Variants in PKHD1 observed in about 807,000 individuals in gnomAD.
PKHD1 encodes the protein PKHD1 ciliary IPT domain containing fibrocystin/polyductin, also known as fibrocystin.
PKHD1 carries 291 observed loss-of-function variants against 412.0 expected under a neutral mutation model. The ratio of observed to expected loss-of-function variants is 0.71; its 90% CI spans 0.64 to 0.78. PKHD1 has a LOEUF of 0.78. Ranked by LOEUF, PKHD1 falls within the 30% of genes least tolerant of loss-of-function variation. The pLI, the probability that PKHD1 is intolerant of heterozygous loss-of-function variation, is 0.00. For synonymous variants in PKHD1, 1,777 were observed against 1,821.5 expected (o/e 0.98, Z 0.62); for missense variants, 4,825 against 4,950.7 (o/e 0.97, Z 0.76).
intron 32 of PKHD1, among the ~76,000 whole-genome samples, chr6:52,023,661 T>A (rs1470787205): frequency 1.3e-5 from 2 of 152,320 alleles, no homozygotes; most frequent in African/African-American, 4.8e-5. Flanking sequence ...ACTGCCTTCA[T>A]ACCAGGTCTA....
At position 51,944,034 on chromosome 6, in the gene PKHD1, G is replaced by A. The variant is rs139434321; in HGVS notation, c.5909-9712C>T. 1.4e-3 allele frequency among the ~76,000 whole-genome samples: 207 copies of A among 152,022 alleles called. 1 individual carries two copies. Among genetic ancestry groups the A allele is most frequent in the African/African-American group, 4.4e-3 (182 of 41,372 alleles). ...CCATCATATCCCCTGTGACCTGCACGTATACATCCAGATGGCCTGAAGTAA... is the reference window on the plus strand; with the variant it reads ...CCATCATATCCCCTGTGACCTGCACATATACATCCAGATGGCCTGAAGTAA... On this transcript the variant is annotated intron_variant, in intron 36 of 66. Coordinates refer to ENST00000371117, the MANE Select transcript of PKHD1 (RefSeq NM_138694.4).
chr6:51,898,777 T>C (rs892805160), intron 43 of PKHD1, among the ~76,000 whole-genome samples: 136 of 115,354 alleles, frequency 1.2e-3, no homozygotes, highest in Non-Finnish European at 1.9e-3. Context: ...GCAAGACTAA[T>C]AAAGAAAAAA....
rs181808531 is a variant in PKHD1, at chr6:51,714,305, G to A, written c.10156+30080C>T. 1.2e-4 allele frequency among the ~76,000 whole-genome samples: 18 copies of A among 152,254 alleles called. No individual in the cohort carries two copies. The East Asian group carries it at 2.7e-3, about 23-fold the overall frequency. On this transcript the variant is annotated intron_variant, in intron 60 of 66. Coordinates refer to ENST00000371117, the MANE Select transcript of PKHD1 (RefSeq NM_138694.4). The stretch of plus-strand genomic sequence containing the variant: ...GAGTTGCTTGAACCCAGGAGGCGAA[G>A]GTTGCAGTGAGCTGAGATCGTGCCA...
intron 37 of PKHD1, 63 bp from the exon 38 acceptor site, chr6:51,912,639 T>A: frequency 9.3e-7 from 1 of 1,081,044 alleles, no homozygotes; most frequent in Non-Finnish European, 1.4e-6. Flanking sequence ...GTGATTAATT[T>A]AATCATTAAT....
intron 11 of PKHD1, among the ~76,000 whole-genome samples, chr6:52,068,851 T>A (rs1810149284): frequency 6.6e-6 from 1 of 152,200 alleles, no homozygotes; most frequent in Non-Finnish European, 1.5e-5. Flanking sequence ...ATCTTGCACT[T>A]TTGACAAAGG....
At position 51,615,362 on chromosome 6, in the gene PKHD1, TTTTA is replaced by T. The variant is rs1419087809; in HGVS notation, c.*3715_*3718del. On this transcript the variant is annotated 3_prime_UTR_variant, in exon 67 of 67. Coordinates refer to ENST00000371117, the MANE Select transcript of PKHD1 (RefSeq NM_138694.4). ...ATCCACATTTAAGTTTACAGAAATGTTTTATTTCTTTTTGAAAATTACCTTGTAG... is the reference window on the plus strand; with the variant it reads ...ATCCACATTTAAGTTTACAGAAATGTTTTCTTTTTGAAAATTACCTTGTAG... 2 of 152,166 alleles carry T rather than the reference TTTTA, an allele frequency of 1.3e-5. No homozygotes were observed. Among genetic ancestry groups the T allele is most frequent in the East Asian group, 3.8e-4 (2 of 5,196 alleles). 9.4% of individuals were successfully genotyped at this position (152,166 alleles called of 1,614,324 possible). A position where few individuals can be genotyped will look rare whatever the true frequency, so the allele number is the denominator to read the frequency against.
chr6:52,060,052 A>G lies in PKHD1; in HGVS notation c.1119-10T>C. The G allele has an allele frequency of 1.3e-6, 2 of 1,482,808 alleles. No homozygotes were observed. The highest frequency in any genetic ancestry group is 1.9e-6 in the Non-Finnish European group (2 of 1,059,956). The allele number at this position is 1,482,808 out of a possible 1,614,324, so 91.9% of individuals were successfully genotyped here. A position where few individuals can be genotyped will look rare whatever the true frequency, so the allele number is the denominator to read the frequency against. Reference sequence around the variant, plus strand: ...CCCACTGAGCCGTGCTCTGTAAAGTAGAACATAGAGTCAAGCAAGAGTAAC... The same window carrying G: ...CCCACTGAGCCGTGCTCTGTAAAGTGGAACATAGAGTCAAGCAAGAGTAAC... On this transcript the variant is annotated splice_polypyrimidine_tract_variant and intron_variant, in intron 14 of 66. Transcript: ENST00000371117.
intron 49 of PKHD1, among the ~76,000 whole-genome samples, chr6:51,850,667 AG>A (rs1562460322): frequency 6.6e-6 from 1 of 152,102 alleles, no homozygotes; most frequent in Non-Finnish European, 1.5e-5. Flanking sequence ...TGTGAATAGG[AG>A]TTCATTCATG....
At position 51,871,315 on chromosome 6, in the gene PKHD1, C is replaced by CAAAAAGACAAAGAG. The variant is rs1775965992; in HGVS notation, c.7351-677_7351-676insCTCTTTGTCTTTTT. On this transcript the variant is annotated intron_variant, in intron 46 of 66. Coordinates refer to ENST00000371117, the MANE Select transcript of PKHD1 (RefSeq NM_138694.4). ...ATGAATGGATTAACAAACTGCATTACATCTATCTAATGGAATACTATTCGT... is the reference window on the plus strand; with the variant it reads ...ATGAATGGATTAACAAACTGCATTACAAAAAGACAAAGAGATCTATCTAATGGAATACTATTCGT... 1.4e-3 allele frequency among the ~76,000 whole-genome samples: 81 copies of CAAAAAGACAAAGAG among 59,094 alleles called. 1 individual carries two copies. The highest frequency in any genetic ancestry group is 0.018 in the Middle Eastern group (1 of 56). 38.8% of individuals were successfully genotyped at this position (59,094 alleles called of 152,430 possible). A position where few individuals can be genotyped will look rare whatever the true frequency, so the allele number is the denominator to read the frequency against.
intron 60 of PKHD1, among the ~76,000 whole-genome samples, chr6:51,712,372 G>A (rs149899214): frequency 2.6e-4 from 40 of 152,168 alleles, no homozygotes; most frequent in Admixed American, 2.4e-3. Context: ...AGTACTCAAG[G>A]GGGTCAGAAA....
chr6:52,048,226 C>A (rs1351239283), intron 23 of PKHD1, among the ~76,000 whole-genome samples: 1 of 152,218 alleles, frequency 6.6e-6, no homozygotes, highest in African/African-American at 2.4e-5. Context: ...TGGTTAACTC[C>A]TTACAACAGT....
intron 21 of PKHD1, among the ~76,000 whole-genome samples, chr6:52,052,875 G>A (rs1807088678): frequency 6.6e-6 from 1 of 152,008 alleles, no homozygotes; most frequent in Non-Finnish European, 1.5e-5. Flanking sequence ...GAAAATCGTG[G>A]GGAAAATAGG....
In PKHD1 at chr6:52,070,353, T is replaced by C. The variant is rs375361951; in HGVS notation, c.707+53A>G. ...AAGAAAGTAAGCAAGATGAGAGAGATAGGTAATATAAAATGAAGACAAATT... is the reference window on the plus strand; with the variant it reads ...AAGAAAGTAAGCAAGATGAGAGAGACAGGTAATATAAAATGAAGACAAATT... On this transcript the variant is annotated intron_variant, in intron 10 of 66. Transcript: ENST00000371117. 1.5e-5 allele frequency: 15 copies of C among 1,026,852 alleles called. No individual in the cohort carries two copies. The African/African-American group carries it at 1.6e-4, about 11-fold the overall frequency. The allele number at this position is 1,026,852 out of a possible 1,614,324, so 63.6% of individuals were successfully genotyped here.
At chr6:51,622,641 TGAG>T (rs1164858552) in intron 66 of PKHD1, 1 of 152,226 alleles carries the variant, frequency 6.6e-6, no homozygotes, top group African/African-American at 2.4e-5. Flanking sequence ...GTATGACAAT[TGAG>T]GAGGCATAAA....
chr6:51,829,338 A>G (rs9463723), intron 52 of PKHD1, among the ~76,000 whole-genome samples: 67,446 of 151,826 alleles, frequency 0.44, 16,067 homozygotes, highest in Middle Eastern at 0.62. Flanking sequence ...TGCCAAGCAA[A>G]ATGGCCAAGA....
At position 51,911,845 on chromosome 6, in the gene PKHD1, C is replaced by T; in HGVS notation, c.6444G>A (p.Glu2148=). The T allele has an allele frequency of 6.2e-7, 1 of 1,612,926 alleles. No homozygotes were observed. Among genetic ancestry groups the T allele is most frequent in the Non-Finnish European group, 8.5e-7 (1 of 1,179,102 alleles). Residue 2148 remains glutamate (E), a synonymous_variant, in exon 39 of 67, where the codon GAG becomes GAA. Coordinates refer to ENST00000371117, the MANE Select transcript of PKHD1 (RefSeq NM_138694.4). ...SITIQGNLTN[E]REKLLVSCQE... ...GGCATGAAACAAGCAGCTTCTCCCTCTCATTAGTGAGATTTCCTTGTATGG... is the reference window on the plus strand; with the variant it reads ...GGCATGAAACAAGCAGCTTCTCCCTTTCATTAGTGAGATTTCCTTGTATGG...
intron 60 of PKHD1, among the ~76,000 whole-genome samples, chr6:51,711,912 T>C (rs1269183319): frequency 1.3e-5 from 2 of 152,214 alleles, no homozygotes; most frequent in African/African-American, 4.8e-5. Flanking sequence ...TTTCCTTGCA[T>C]TTGAGCAACC....
intron 60 of PKHD1, among the ~76,000 whole-genome samples, chr6:51,664,935 TAAAG>T (rs1282471756): frequency 2.6e-5 from 4 of 152,264 alleles, no homozygotes; most frequent in South Asian, 4.1e-4. Context: ...CTTATTTAAA[TAAAG>T]AGTTTCATCA....
intron 60 of PKHD1, among the ~76,000 whole-genome samples, chr6:51,688,845 G>A (rs79512285): frequency 0.032 from 4,862 of 151,992 alleles, 84 homozygotes; most frequent in Non-Finnish European, 0.039. Context: ...CTTGAAATTG[G>A]GTCAGTAATA....
Sources: gnomAD v4.1 joint callset for allele counts (sites outside exome capture counted in the v4.1 genomes callset) on GRCh38, gnomAD v4.1.1 for gene constraint, MANE v1.5 for transcripts, NCBI Gene and HGNC (gene_info 2026-07-23, HGNC 2026-07-21) for gene names.